Variants in PAPPA2 observed in about 807,000 individuals in gnomAD.
The protein encoded by PAPPA2 is pappalysin 2.
PAPPA2 carries 86 observed loss-of-function variants against 176.4 expected under a neutral mutation model. The ratio of observed to expected loss-of-function variants is 0.49; its 90% CI spans 0.41 to 0.58. The LOEUF (loss-of-function observed/expected upper bound fraction) is 0.58. PAPPA2 is among the 20% of genes least tolerant of loss of function. The pLI is 0.00. For missense variants in PAPPA2, 2,073 were observed against 2,256.9 expected (o/e 0.92, Z 1.65); for synonymous variants, 809 against 852.2 (o/e 0.95, Z 0.88).
chr1:176,508,722 G>T (rs982833329), intron 1 of PAPPA2, among the ~76,000 whole-genome samples: 1 of 152,036 alleles, frequency 6.6e-6, no homozygotes, highest in Non-Finnish European at 1.5e-5. Flanking sequence ...AATCATGGGG[G>T]TGGATTTCTC....
At chr1:176,833,556 C>T (rs1040314107) in intron 21 of PAPPA2, among the ~76,000 whole-genome samples, 2 of 152,110 alleles carry the variant, frequency 1.3e-5, no homozygotes, top group African/African-American at 4.8e-5. Flanking sequence ...TTTACAGTTT[C>T]TTTGTTTTTG....
At chr1:176,643,145 A>G (rs1657193865) in intron 3 of PAPPA2, among the ~76,000 whole-genome samples, 3 of 151,930 alleles carry the variant, frequency 2.0e-5, no homozygotes, top group Admixed American at 6.6e-5. Flanking sequence ...TTATCTTCAC[A>G]TCAACCAGGA....
intron 1 of PAPPA2, among the ~76,000 whole-genome samples, chr1:176,535,293 G>C (rs1052282406): frequency 6.6e-6 from 1 of 152,160 alleles, no homozygotes; most frequent in African/African-American, 2.4e-5. Context: ...TGAGGTTGTA[G>C]AGCAAAAAGA....
chr1:176,782,220 C>T (rs767510687), intron 17 of PAPPA2, among the ~76,000 whole-genome samples: 21 of 152,256 alleles, frequency 1.4e-4, no homozygotes, highest in Admixed American at 7.2e-4. Flanking sequence ...TAAATCTTAC[C>T]TCATCTATAA....
At chr1:176,759,470 C>T (rs891653585) in intron 14 of PAPPA2, among the ~76,000 whole-genome samples, 4 of 152,100 alleles carry the variant, frequency 2.6e-5, no homozygotes, top group East Asian at 1.9e-4. Context: ...TAATCTTTCA[C>T]GCACTCTTAC....
At chr1:176,581,922 C>CTTTTTTTTT (rs538920194) in intron 2 of PAPPA2, among the ~76,000 whole-genome samples, 31 of 80,992 alleles carry the variant, frequency 3.8e-4, no homozygotes, top group East Asian at 8.1e-4. Flanking sequence ...TTCTTTCTTT[C>CTTTTTTTTT]TTTTTTTTTT....
chr1:176,690,737 G>T (rs568532155), intron 5 of PAPPA2: 25 of 1,169,506 alleles, frequency 2.1e-5, no homozygotes, highest in Non-Finnish European at 2.1e-5. Context: ...TTGACTTCTA[G>T]AATGTGGTTA....
intron 6 of PAPPA2, among the ~76,000 whole-genome samples, chr1:176,693,817 T>C (rs1660232307): frequency 6.6e-6 from 1 of 152,214 alleles, no homozygotes; most frequent in Non-Finnish European, 1.5e-5. Flanking sequence ...AGTGTGACCT[T>C]GTGCAGCTTT....
At chr1:176,830,974 A>G (rs755301423) in intron 21 of PAPPA2, among the ~76,000 whole-genome samples, 3 of 152,226 alleles carry the variant, frequency 2.0e-5, no homozygotes, top group South Asian at 2.1e-4. Context: ...ATTGGGAATC[A>G]CTGGAATAAA....
At chr1:176,573,221 T>C (rs1323692795) in intron 2 of PAPPA2, among the ~76,000 whole-genome samples, 1 of 152,244 alleles carries the variant, frequency 6.6e-6, no homozygotes, top group African/African-American at 2.4e-5. Flanking sequence ...TTGCATGAGC[T>C]ATCCTCTGCA....
chr1:176,567,078 A>G (rs2102607077), intron 2 of PAPPA2, among the ~76,000 whole-genome samples: 1 of 152,358 alleles, frequency 6.6e-6, no homozygotes, highest in South Asian at 2.1e-4. Flanking sequence ...AGAACCTTCC[A>G]GAAAGCATAT....
chr1:176,836,880 A>T (rs1269184199), intron 21 of PAPPA2: 1 of 152,150 alleles, frequency 6.6e-6, no homozygotes, highest in Non-Finnish European at 1.5e-5. Context: ...ACTATGTTTC[A>T]TTTATCTTTG....
rs1661593025 is a variant in PAPPA2, at chr1:176,721,076, C to T, written c.3798+9095C>T. Among the ~76,000 whole-genome samples the T allele has an allele frequency of 3.3e-5, 5 of 152,262 alleles. No individual in the cohort carries two copies. In the South Asian group the frequency reaches 1.0e-3, roughly 32 times the overall value. ...CTGCTGACTCACATGACAGTCTCCT[C>T]CAGAAACACCATACAAACACACCCA... On this transcript the variant is annotated intron_variant, in intron 12 of 22. Transcript: ENST00000367662.
intron 14 of PAPPA2, among the ~76,000 whole-genome samples, chr1:176,763,352 C>T (rs1444503118): frequency 9.9e-5 from 15 of 152,180 alleles, no homozygotes; most frequent in Admixed American, 9.8e-4. Flanking sequence ...ACCACTGGTA[C>T]TCAGATCGAG....
intron 2 of PAPPA2, among the ~76,000 whole-genome samples, chr1:176,577,453 A>G (rs1363426073): frequency 6.6e-6 from 1 of 152,192 alleles, no homozygotes; most frequent in Non-Finnish European, 1.5e-5. Flanking sequence ...CTAGTGAAAC[A>G]GTCCCCAGGA....
intron 12 of PAPPA2, among the ~76,000 whole-genome samples, chr1:176,726,197 A>G (rs1351702168): frequency 2.6e-5 from 4 of 152,182 alleles, no homozygotes; most frequent in Non-Finnish European, 5.9e-5. Context: ...TACTTCTGTC[A>G]TTTAGCTCAA....
At chr1:176,619,528 G>A (rs1176972597) in intron 3 of PAPPA2, among the ~76,000 whole-genome samples, 2 of 152,174 alleles carry the variant, frequency 1.3e-5, no homozygotes, top group African/African-American at 2.4e-5. Context: ...ACAGGAAGTT[G>A]AATTGGTGCT....
intron 2 of PAPPA2, among the ~76,000 whole-genome samples, chr1:176,589,433 C>T (rs1471068113): frequency 2.0e-5 from 3 of 152,164 alleles, no homozygotes; most frequent in African/African-American, 4.8e-5. Context: ...CCTCAATTTA[C>T]CTTGTCTCAA....
intron 3 of PAPPA2, 59 bp downstream of exon 3, chr1:176,595,654 T>C (rs1653939682): frequency 6.6e-7 from 1 of 1,506,564 alleles, no homozygotes; most frequent in Non-Finnish European, 8.9e-7. Context: ...CATCATTTTA[T>C]CTGTTTGGTT....
Sources: gnomAD v4.1 joint callset for allele counts (sites outside exome capture counted in the v4.1 genomes callset) on GRCh38, gnomAD v4.1.1 for gene constraint, MANE v1.5 for transcripts, NCBI Gene and HGNC (gene_info 2026-07-23, HGNC 2026-07-21) for gene names.